Variants in TENM3 observed in about 807,000 individuals in gnomAD.
The protein encoded by TENM3 is teneurin transmembrane protein 3, also known as teneurin-3.
In TENM3, 63 loss-of-function variants were observed where a neutral mutation model predicts 255.1. The observed-to-expected ratio is 0.25, with a 90% CI of 0.20 to 0.30. The LOEUF is 0.30. Ranked by LOEUF, TENM3 falls within the 10% of genes least tolerant of loss-of-function variation. TENM3 has a pLI of 1.00. For missense variants in TENM3, 2,929 were observed against 3,461.1 expected (o/e 0.85, Z 3.86); for synonymous variants, 1,306 against 1,322.3 (o/e 0.99, Z 0.27).
chr4:182,254,859 T>A (rs1264680080), intron 1 of TENM3, among the ~76,000 whole-genome samples: 1 of 152,090 alleles, frequency 6.6e-6, no homozygotes, highest in Non-Finnish European at 1.5e-5. Context: ...ACTGATGGAA[T>A]AAGAGCTAGG....
rs1463682842 is a variant in TENM3 at position 182,773,502 on chromosome 4, T to G, written c.4923T>G (p.Val1641=). ...DYDSEGRLTN[V]TFPTGVVTNL... ...ACAGTGAAGGTCGTCTGACAAATGT[T>G]ACGTTTCCAACTGGAGTGGTCACAA... Residue 1641 remains valine (V), a synonymous_variant, in exon 23 of 28, where the codon GTT becomes GTG. Coordinates refer to ENST00000511685, the MANE Select transcript of TENM3 (RefSeq NM_001080477.4). 3.3e-5 allele frequency: 54 copies of G among 1,613,096 alleles called. No individual in the cohort carries two copies. Among genetic ancestry groups the G allele is most frequent in the Non-Finnish European group, 4.6e-5 (54 of 1,179,556 alleles).
the TENM3 span, among the ~76,000 whole-genome samples, chr4:181,738,466 T>C: frequency 6.6e-6 from 1 of 152,138 alleles, no homozygotes; most frequent in East Asian, 1.9e-4. Context: ...TGTTTTTGGG[T>C]TTATATGTCC....
At chr4:182,023,135 T>C in the TENM3 span, among the ~76,000 whole-genome samples, 4 of 152,220 alleles carry the variant, frequency 2.6e-5, no homozygotes, top group Admixed American at 1.3e-4. Flanking sequence ...GAAATGGCAG[T>C]TAGAGCATGG....
chr4:181,996,168 A>T, the TENM3 span, among the ~76,000 whole-genome samples: 94 of 151,988 alleles, frequency 6.2e-4, no homozygotes, highest in African/African-American at 1.9e-3. Flanking sequence ...TTAAAAAAAA[A>T]AAAAAAAAAT....
intron 22 of TENM3, among the ~76,000 whole-genome samples, chr4:182,769,690 A>C (rs574658136): frequency 4.6e-5 from 7 of 152,278 alleles, no homozygotes; most frequent in Non-Finnish European, 8.8e-5. Context: ...AGGCTGCGGC[A>C]GGAGAATCGC....
At chr4:182,766,372 T>C (rs1763719012) in intron 22 of TENM3, among the ~76,000 whole-genome samples, 1 of 151,782 alleles carries the variant, frequency 6.6e-6, no homozygotes, top group Non-Finnish European at 1.5e-5. Context: ...GATAAACAAT[T>C]TAAAAAAGAA....
At chr4:181,577,758 T>C in the TENM3 span, among the ~76,000 whole-genome samples, 1 of 151,680 alleles carries the variant, frequency 6.6e-6, no homozygotes, top group Non-Finnish European at 1.5e-5. Flanking sequence ...TGACCATATT[T>C]TTAATACATG....
chr4:182,653,033 T>A (rs909343651), intron 5 of TENM3, among the ~76,000 whole-genome samples: 1 of 152,112 alleles, frequency 6.6e-6, no homozygotes, highest in Admixed American at 6.5e-5. Context: ...TGTTTATAGT[T>A]GTATAGTCTT....
intron 2 of TENM3, among the ~76,000 whole-genome samples, chr4:182,328,800 C>A (rs1366175087): frequency 6.6e-6 from 1 of 152,126 alleles, no homozygotes; most frequent in Non-Finnish European, 1.5e-5. Context: ...TGCTTCTCAC[C>A]TCCTGCCCTT....
chr4:182,701,165 A>G (rs1016604861), intron 12 of TENM3, among the ~76,000 whole-genome samples: 5 of 150,812 alleles, frequency 3.3e-5, no homozygotes, highest in Non-Finnish European at 7.4e-5. Flanking sequence ...CCACCTGAAC[A>G]ATAAGGGGTA....
intron 13 of TENM3, among the ~76,000 whole-genome samples, chr4:182,716,693 C>A (rs1759206124): frequency 6.6e-6 from 1 of 152,112 alleles, no homozygotes; most frequent in African/African-American, 2.4e-5. Context: ...CGAAAGATGG[C>A]AATGAAGGAT....
intron 3 of TENM3, among the ~76,000 whole-genome samples, chr4:182,412,126 C>A (rs926434519): frequency 2.6e-5 from 4 of 152,160 alleles, no homozygotes; most frequent in African/African-American, 9.7e-5. Context: ...GGATAAAAAG[C>A]CTGTAAGCTC....
intron 3 of TENM3, among the ~76,000 whole-genome samples, chr4:182,595,381 T>A (rs1318070949): frequency 6.6e-6 from 1 of 152,126 alleles, no homozygotes; most frequent in African/African-American, 2.4e-5. Flanking sequence ...GTCAACATAC[T>A]TTATTCAGTG....
chr4:182,749,441 ACTTT>A (rs1762223667), intron 19 of TENM3, among the ~76,000 whole-genome samples: 1 of 152,184 alleles, frequency 6.6e-6, no homozygotes, highest in African/African-American at 2.4e-5. Context: ...GTATTCCTGC[ACTTT>A]CTAAGGTTAT....
At chr4:182,012,579 C>G in the TENM3 span, 1 of 152,192 alleles carries the variant, frequency 6.6e-6, no homozygotes, top group African/African-American at 2.4e-5. Context: ...GAAAGAAACT[C>G]ACATTTTATG....
At chr4:182,363,299 A>ATG (rs1317580849) in intron 3 of TENM3, among the ~76,000 whole-genome samples, 2 of 151,998 alleles carry the variant, frequency 1.3e-5, no homozygotes. Flanking sequence ...ATTCATATAG[A>ATG]TGTGTGTGTA....
intron 3 of TENM3, among the ~76,000 whole-genome samples, chr4:182,392,282 C>G (rs1768483063): frequency 6.6e-6 from 1 of 152,110 alleles, no homozygotes. Context: ...CTGGTATCAC[C>G]GGGGAGAGGG....
intron 3 of TENM3, among the ~76,000 whole-genome samples, chr4:182,493,736 G>A (rs997546348): frequency 2.0e-5 from 3 of 151,992 alleles, no homozygotes; most frequent in Admixed American, 6.6e-5. Flanking sequence ...TTTAATGATC[G>A]CTATATACAT....
chr4:181,514,708 AAAAC>A, the TENM3 span, among the ~76,000 whole-genome samples: 13 of 152,226 alleles, frequency 8.5e-5, no homozygotes, highest in African/African-American at 2.7e-4. Context: ...GTCTAAGAAA[AAAAC>A]AAAACCATCT....
Sources: allele counts gnomAD v4.1 joint callset (sites outside exome capture counted in the v4.1 genomes callset), GRCh38; gene constraint gnomAD v4.1.1; transcripts MANE v1.5; gene names NCBI Gene and HGNC (gene_info 2026-07-23, HGNC 2026-07-21).